Variants in PRCP observed in about 807,000 individuals in gnomAD.
PRCP encodes the protein lysosomal Pro-X carboxypeptidase.
In PRCP, 46 loss-of-function variants were observed where a neutral mutation model predicts 54.2. The observed-to-expected ratio is 0.85, with a 90% CI of 0.67 to 1.09. PRCP has a LOEUF of 1.09. Among genes scored for constraint, PRCP ranks in the 50% least tolerant of loss-of-function variants. The probability of loss-of-function intolerance (pLI) is 0.00; values close to 1 mark genes in which losing one functional copy is unlikely to be tolerated. For missense variants in PRCP, 613 were observed against 596.8 expected (o/e 1.03, Z -0.28); for synonymous variants, 240 against 212.2 (o/e 1.13, Z -1.14).
At chr11:82,850,620 CT>C in intron 3 of PRCP, 115 bp from the exon 4 acceptor site, 2 of 779,240 alleles carry the variant, frequency 2.6e-6, no homozygotes, top group South Asian at 9.2e-5. Context: ...AATAGAATTT[CT>C]AGGCAATTGA....
At chr11:82,879,668 T>C (rs988057299) in intron 1 of PRCP, among the ~76,000 whole-genome samples, 2 of 152,238 alleles carry the variant, frequency 1.3e-5, no homozygotes, top group Admixed American at 6.5e-5. Context: ...CTTTGTGGTT[T>C]TATCTACCTT....
rs185666027 is a variant in PRCP at position 82,876,674 on chromosome 11, T to G, written c.169-16557A>C. 2.6e-5 allele frequency among the ~76,000 whole-genome samples: 4 copies of G among 152,326 alleles called. No homozygotes were observed. In the East Asian group the frequency reaches 5.8e-4, roughly 22 times the overall value. ...TCCTCATTTTCTCTTGCCGCCACCA[T>G]GTAAGAAGCGCCTTTCACCTCCTGC... On this transcript the variant is annotated intron_variant, in intron 1 of 8. Coordinates refer to ENST00000313010, the MANE Select transcript of PRCP (RefSeq NM_005040.4).
intron 1 of PRCP, 65 bp downstream of exon 1, chr11:82,900,170 G>A: frequency 1.3e-6 from 2 of 1,570,128 alleles, no homozygotes; most frequent in Non-Finnish European, 1.7e-6. Flanking sequence ...TCCGTTGCCC[G>A]GGCTCTGAGG....
intron 8 of PRCP, chr11:82,825,420 C>A (rs1858203226): frequency 3.2e-6 from 1 of 317,216 alleles, no homozygotes; most frequent in Non-Finnish European, 5.9e-6. Flanking sequence ...ATCCTGATTT[C>A]ATTATTCAAA....
intron 1 of PRCP, among the ~76,000 whole-genome samples, chr11:82,872,410 G>A (rs111253892): frequency 0.017 from 2,588 of 152,272 alleles, 63 homozygotes; most frequent in African/African-American, 0.058. Flanking sequence ...TAAGATGAGG[G>A]CATGCTGGAG....
At chr11:82,891,657 A>C (rs1220037281) in intron 1 of PRCP, among the ~76,000 whole-genome samples, 1 of 152,082 alleles carries the variant, frequency 6.6e-6, no homozygotes, top group Non-Finnish European at 1.5e-5. Flanking sequence ...CACTGAGCAC[A>C]CACCTACCTC....
At chr11:82,845,446 A>C (rs903848928) in intron 6 of PRCP, among the ~76,000 whole-genome samples, 2 of 152,142 alleles carry the variant, frequency 1.3e-5, no homozygotes, top group Non-Finnish European at 2.9e-5. Flanking sequence ...CACATTAGAG[A>C]AAGGATTAAG....
At chr11:82,827,500 T>A (rs576982972) in intron 8 of PRCP, 30 of 152,300 alleles carry the variant, frequency 2.0e-4, no homozygotes, top group African/African-American at 7.2e-4. Context: ...TTTCCCAGCA[T>A]CATTTGTTGA....
intron 7 of PRCP, among the ~76,000 whole-genome samples, chr11:82,838,951 T>C (rs1364331300): frequency 1.3e-5 from 2 of 152,240 alleles, no homozygotes; most frequent in African/African-American, 4.8e-5. Context: ...GTAGGACTTA[T>C]CAAGATCTAT....
At chr11:82,893,796 A>C (rs1860056174) in intron 1 of PRCP, among the ~76,000 whole-genome samples, 1 of 152,212 alleles carries the variant, frequency 6.6e-6, no homozygotes, top group South Asian at 2.1e-4. Context: ...CTGTCTAAAA[A>C]TAAACAAACA....
chr11:82,896,395 A>C (rs116376143), intron 1 of PRCP, among the ~76,000 whole-genome samples: 2,232 of 152,226 alleles, frequency 0.015, 64 homozygotes, highest in African/African-American at 0.051. Flanking sequence ...TAATCAGTTT[A>C]AGGCCTTAAT....
chr11:82,832,075 C>T (rs1210383404), intron 8 of PRCP, among the ~76,000 whole-genome samples: 2 of 152,144 alleles, frequency 1.3e-5, no homozygotes, highest in Non-Finnish European at 2.9e-5. Flanking sequence ...ACATAGTATT[C>T]CATGGTGTAT....
At chr11:82,842,347 T>C (rs1858693674) in intron 6 of PRCP, among the ~76,000 whole-genome samples, 1 of 152,184 alleles carries the variant, frequency 6.6e-6, no homozygotes, top group Non-Finnish European at 1.5e-5. Flanking sequence ...ACTTGGCCTC[T>C]GTATGATGGA....
intron 2 of PRCP, 60 bp downstream of exon 2, chr11:82,859,917 T>G: frequency 6.9e-7 from 1 of 1,457,650 alleles, no homozygotes; most frequent in Non-Finnish European, 9.2e-7. Flanking sequence ...AAAACATTTC[T>G]TCCAAGTTAT....
At chr11:82,852,653 A>C (rs1021601680) in intron 3 of PRCP, among the ~76,000 whole-genome samples, 1 of 152,228 alleles carries the variant, frequency 6.6e-6, no homozygotes, top group African/African-American at 2.4e-5. Flanking sequence ...CTGGTTTATT[A>C]GGTAGAGTCT....
rs370408841 is a variant in PRCP, at chr11:82,838,573, G to A, written c.1088C>T (p.Ala363Val). Residue 363 changes from alanine (A) to valine (V), a missense_variant and splice_region_variant, in exon 8 of 9, where the codon GCC becomes GTC. Coordinates refer to ENST00000313010, the MANE Select transcript of PRCP (RefSeq NM_005040.4). ...AAAGGGCATGACTACTTCTGTGCAGGCCTAAGAAGCAAACCAAGAGAGAAT... is the reference window on the plus strand; with the variant it reads ...AAAGGGCATGACTACTTCTGTGCAGACCTAAGAAGCAAACCAAGAGAGAAT... Reference protein sequence around the residue: ...SLGTLGWSYQACTEVVMPFCT... With the variant: ...SLGTLGWSYQVCTEVVMPFCT... The A allele has an allele frequency of 1.2e-6, 2 of 1,605,790 alleles. No homozygotes were observed. The highest frequency in any genetic ancestry group is 1.7e-6 in the Non-Finnish European group (2 of 1,177,204).
intron 8 of PRCP, chr11:82,826,863 A>C (rs1310091902): frequency 6.6e-6 from 1 of 152,204 alleles, no homozygotes; most frequent in Non-Finnish European, 1.5e-5. Context: ...AGAGTAACAA[A>C]AGCATGAGCT....
intron 5 of PRCP, 39 bp downstream of exon 5, chr11:82,849,874 TA>T: frequency 1.5e-6 from 2 of 1,351,584 alleles, no homozygotes; most frequent in Non-Finnish European, 1.9e-6. Context: ...AATGAAAGGT[TA>T]AAAAAACACA....
intron 8 of PRCP, chr11:82,830,530 A>C (rs1344431899): frequency 6.7e-6 from 1 of 149,742 alleles, no homozygotes; most frequent in East Asian, 2.0e-4. Context: ...TGGGAGGCTA[A>C]GGCAGGAGAA....
Sources: allele counts gnomAD v4.1 joint callset (sites outside exome capture counted in the v4.1 genomes callset), GRCh38; gene constraint gnomAD v4.1.1; transcripts MANE v1.5; gene names NCBI Gene and HGNC (gene_info 2026-07-23, HGNC 2026-07-21).